The following PDE1C variants were observed in gnomAD, a reference collection of about 807,000 sequenced individuals.
PDE1C encodes the protein dual specificity calcium/calmodulin-dependent 3',5'-cyclic nucleotide phosphodiesterase 1C.
Under a neutral mutation model 93.1 loss-of-function variants are expected in PDE1C, and 62 were observed. The observed-to-expected ratio is 0.67, with a 90% CI of 0.54 to 0.82. The LOEUF (loss-of-function observed/expected upper bound fraction) is 0.82, where lower values mean the gene tolerates loss of function less well. Ranked by LOEUF, PDE1C falls within the 40% of genes least tolerant of loss-of-function variation. PDE1C has a pLI of 0.00. For missense variants in PDE1C, 742 were observed against 884.6 expected, an observed-to-expected ratio of 0.84 and a Z score of 2.04; for synonymous variants, 325 against 310.1, an observed-to-expected ratio of 1.05 and a Z score of -0.50.
intron 2 of PDE1C, among the ~76,000 whole-genome samples, chr7:32,179,263 GTCT>G (rs1803220128): frequency 8.8e-6 from 1 of 114,082 alleles, no homozygotes; most frequent in South Asian, 4.0e-4. Flanking sequence ...TCCTGACTTA[GTCT>G]TTTTTTTTTT....
chr7:32,070,893 G>C (rs574459914), upstream of PDE1C: 3 of 985,568 alleles, frequency 3.0e-6, no homozygotes, highest in Admixed American at 6.1e-5. Context: ...CCCGGACGCC[G>C]CGCACCCGGC....
At chr7:32,015,161 C>T (rs1464723963) in intron 2 of PDE1C, among the ~76,000 whole-genome samples, 1 of 152,122 alleles carries the variant, frequency 6.6e-6, no homozygotes, top group Non-Finnish European at 1.5e-5. Context: ...TGAAGCCTCT[C>T]CAGTCATGCT....
chr7:31,724,493 C>A, the PDE1C span, among the ~76,000 whole-genome samples: 1 of 152,186 alleles, frequency 6.6e-6, no homozygotes, highest in Admixed American at 6.5e-5. Flanking sequence ...GATCTGACAG[C>A]CAATCCAAAG....
chr7:31,859,102 A>G (rs1794364579), intron 7 of PDE1C, among the ~76,000 whole-genome samples: 1 of 147,698 alleles, frequency 6.8e-6, no homozygotes, highest in South Asian at 2.1e-4. Flanking sequence ...AAACTATCAT[A>G]ATATATGATG....
intron 2 of PDE1C, among the ~76,000 whole-genome samples, chr7:32,206,187 G>T (rs1414664076): frequency 6.6e-6 from 1 of 152,142 alleles, no homozygotes; most frequent in Non-Finnish European, 1.5e-5. Flanking sequence ...CCACTAGCAT[G>T]TAGGAGACCT....
At chr7:32,375,057 T>C (rs1784412028) in intron 1 of PDE1C, among the ~76,000 whole-genome samples, 2 of 152,108 alleles carry the variant, frequency 1.3e-5, no homozygotes, top group Non-Finnish European at 2.9e-5. Context: ...AAGGAACTGT[T>C]TATAAAATTG....
chr7:31,778,705 A>G (rs1299360052), intron 16 of PDE1C, among the ~76,000 whole-genome samples: 1 of 152,196 alleles, frequency 6.6e-6, no homozygotes, highest in Non-Finnish European at 1.5e-5. Context: ...CCACATATTA[A>G]GCAGTTACTG....
At chr7:32,207,629 T>C (rs1313408803) in intron 2 of PDE1C, among the ~76,000 whole-genome samples, 3 of 152,082 alleles carry the variant, frequency 2.0e-5, no homozygotes, top group African/African-American at 2.4e-5. Context: ...TCCTTTTTTT[T>C]CCCTGTATCA....
At chr7:31,649,107 C>T in the PDE1C span, among the ~76,000 whole-genome samples, 1 of 152,190 alleles carries the variant, frequency 6.6e-6, no homozygotes, top group Non-Finnish European at 1.5e-5. Flanking sequence ...GATGCAAGAG[C>T]TTTACTATGC....
At chr7:32,193,557 T>C (rs1485806783) in intron 2 of PDE1C, among the ~76,000 whole-genome samples, 1 of 152,174 alleles carries the variant, frequency 6.6e-6, no homozygotes. Context: ...TTTGTGAAAA[T>C]TTTGTTAAAG....
At chr7:31,770,994 CT>C (rs888236867) in intron 17 of PDE1C, among the ~76,000 whole-genome samples, 1 of 152,124 alleles carries the variant, frequency 6.6e-6, no homozygotes, top group Non-Finnish European at 1.5e-5. Context: ...TGTTTGCTTC[CT>C]TTTTTTAAAT....
the PDE1C span, among the ~76,000 whole-genome samples, chr7:31,619,108 T>C: frequency 6.6e-6 from 1 of 152,228 alleles, no homozygotes; most frequent in Non-Finnish European, 1.5e-5. Context: ...CTTTAATCTG[T>C]GTATATTAGT....
chr7:31,950,889 G>C (rs943606917), intron 2 of PDE1C, among the ~76,000 whole-genome samples: 1 of 152,130 alleles, frequency 6.6e-6, no homozygotes, highest in Non-Finnish European at 1.5e-5. Context: ...ATGTTTGTCT[G>C]CTGGGGCTGC....
At chr7:31,835,948 A>C (rs1284752934) in intron 11 of PDE1C, among the ~76,000 whole-genome samples, 3 of 152,206 alleles carry the variant, frequency 2.0e-5, no homozygotes, top group African/African-American at 7.2e-5. Context: ...AAACTAAATA[A>C]ATAGCAAAAG....
intron 16 of PDE1C, among the ~76,000 whole-genome samples, chr7:31,791,430 C>T (rs1448586969): frequency 6.6e-6 from 1 of 152,098 alleles, no homozygotes; most frequent in Non-Finnish European, 1.5e-5. Flanking sequence ...AAGCTGAAAT[C>T]AAGGATGAGA....
At chr7:31,869,994 C>T (rs1279061125) in intron 6 of PDE1C, among the ~76,000 whole-genome samples, 2 of 151,972 alleles carry the variant, frequency 1.3e-5, no homozygotes, top group Non-Finnish European at 2.9e-5. Flanking sequence ...GGAAATTAAA[C>T]ATGTTCCTGA....
chr7:31,760,435 T>C (rs1415130608), intron 17 of PDE1C, among the ~76,000 whole-genome samples: 1 of 152,142 alleles, frequency 6.6e-6, no homozygotes, highest in Non-Finnish European at 1.5e-5. Context: ...TCTGGCCTCA[T>C]TCCCTTGAGT....
At chr7:32,398,578 G>A (rs1372701575) in intron 1 of PDE1C, among the ~76,000 whole-genome samples, 1 of 151,764 alleles carries the variant, frequency 6.6e-6, no homozygotes, top group East Asian at 2.0e-4. Flanking sequence ...TAGTAGAGAT[G>A]GGGTTTCACC....
intron 1 of PDE1C, among the ~76,000 whole-genome samples, chr7:32,057,384 G>T (rs1794261248): frequency 6.6e-6 from 1 of 152,234 alleles, no homozygotes; most frequent in African/African-American, 2.4e-5. Flanking sequence ...AGTATTAAAT[G>T]ATGCATGTGT....
Sources: gnomAD v4.1 joint callset for allele counts (sites outside exome capture counted in the v4.1 genomes callset) on GRCh38, gnomAD v4.1.1 for gene constraint, MANE v1.5 for transcripts, NCBI Gene and HGNC (gene_info 2026-07-23, HGNC 2026-07-21) for gene names.